The following MECOM variants were observed in gnomAD, a reference collection of about 807,000 sequenced individuals.
The protein encoded by MECOM is MDS1 and EVI1 complex locus, also known as histone-lysine N-methyltransferase MECOM.
Under a neutral mutation model 116.3 loss-of-function variants are expected in MECOM, and 13 were observed. That is an observed-to-expected ratio of 0.11 (90% CI 0.07 to 0.18). The LOEUF is 0.18. MECOM is among the 10% of genes least tolerant of loss of function. The probability of loss-of-function intolerance (pLI) is 1.00; values close to 1 mark genes in which losing one functional copy is unlikely to be tolerated. For synonymous variants in MECOM, 528 were observed against 535.2 expected, an observed-to-expected ratio of 0.99 and a Z score of 0.19; for missense variants, 1,299 against 1,509.0, an observed-to-expected ratio of 0.86 and a Z score of 2.31.
intron 1 of MECOM, among the ~76,000 whole-genome samples, chr3:169,539,426 A>G (rs1484092569): frequency 3.3e-5 from 5 of 152,280 alleles, no homozygotes; most frequent in African/African-American, 1.2e-4. Flanking sequence ...GTCTCTTCTG[A>G]GCTCCAGGAC....
At chr3:169,603,353 G>A (rs2109760972) in intron 1 of MECOM, among the ~76,000 whole-genome samples, 1 of 152,266 alleles carries the variant, frequency 6.6e-6, no homozygotes. Context: ...TGTTTAAGCT[G>A]TTAGCACAGG....
At chr3:169,134,714 A>T (rs998488852) in intron 3 of MECOM, among the ~76,000 whole-genome samples, 2 of 152,204 alleles carry the variant, frequency 1.3e-5, no homozygotes, top group African/African-American at 4.8e-5. Flanking sequence ...TCCTCTTCTA[A>T]TTACAATGGC....
intron 12 of MECOM, among the ~76,000 whole-genome samples, chr3:169,099,728 C>T (rs1471058699): frequency 2.0e-5 from 3 of 152,036 alleles, no homozygotes; most frequent in Non-Finnish European, 4.4e-5. Context: ...AGGAGAATGA[C>T]ATTATGATAT....
intron 2 of MECOM, chr3:169,269,148 T>A (rs1167502394): frequency 2.0e-5 from 3 of 152,130 alleles, no homozygotes; most frequent in Non-Finnish European, 4.4e-5. Flanking sequence ...CGTGTTCTCA[T>A]GCTATTCCTA....
intron 4 of MECOM, among the ~76,000 whole-genome samples, chr3:169,130,921 A>G (rs773050733): frequency 7.2e-5 from 11 of 152,144 alleles, no homozygotes; most frequent in Non-Finnish European, 1.6e-4. Flanking sequence ...GGCCTCTGGC[A>G]AATAAAAAGT....
intron 1 of MECOM, among the ~76,000 whole-genome samples, chr3:169,554,145 G>T (rs1291012012): frequency 6.6e-6 from 1 of 152,186 alleles, no homozygotes; most frequent in African/African-American, 2.4e-5. Context: ...GGCCTTCCAT[G>T]CTGTTTCCCC....
intron 1 of MECOM, among the ~76,000 whole-genome samples, chr3:169,643,181 T>A (rs1274084235): frequency 1.3e-5 from 2 of 152,334 alleles, no homozygotes; most frequent in African/African-American, 4.8e-5. Flanking sequence ...AACCAGATTG[T>A]CATTTTTTTC....
chr3:169,603,174 T>C (rs1393863329), intron 1 of MECOM, among the ~76,000 whole-genome samples: 2 of 152,236 alleles, frequency 1.3e-5, no homozygotes, highest in African/African-American at 4.8e-5. Context: ...GAAAAATGTC[T>C]GTCACTTAAG....
chr3:169,264,248 T>C (rs531952645), intron 2 of MECOM, among the ~76,000 whole-genome samples: 1 of 152,342 alleles, frequency 6.6e-6, no homozygotes, highest in South Asian at 2.1e-4. Context: ...TGGTTTATTG[T>C]TGATGTTGTT....
intron 2 of MECOM, among the ~76,000 whole-genome samples, chr3:169,349,687 C>T (rs1380713238): frequency 2.6e-5 from 4 of 151,838 alleles, no homozygotes; most frequent in Non-Finnish European, 5.9e-5. Flanking sequence ...AAATTGTAAT[C>T]GGCAGCATTT....
At chr3:169,403,527 G>A (rs746394098) in intron 1 of MECOM, among the ~76,000 whole-genome samples, 1 of 152,066 alleles carries the variant, frequency 6.6e-6, no homozygotes, top group African/African-American at 2.4e-5. Context: ...CTGTCAAATT[G>A]CAATATACTT....
At chr3:169,648,384 C>T (rs926631251) in intron 1 of MECOM, among the ~76,000 whole-genome samples, 1 of 152,192 alleles carries the variant, frequency 6.6e-6, no homozygotes, top group Non-Finnish European at 1.5e-5. Flanking sequence ...ATTTCCCATC[C>T]TCTAATGATC....
At chr3:169,315,791 G>T (rs1008792545) in intron 2 of MECOM, among the ~76,000 whole-genome samples, 1 of 152,084 alleles carries the variant, frequency 6.6e-6, no homozygotes, top group Non-Finnish European at 1.5e-5. Context: ...TCTATTCCAT[G>T]AATGTTACCA....
chr3:169,482,841 T>C (rs1160183978), intron 1 of MECOM, among the ~76,000 whole-genome samples: 2 of 152,218 alleles, frequency 1.3e-5, no homozygotes, highest in East Asian at 3.8e-4. Flanking sequence ...ACATTTAAAA[T>C]TGATAGGCCT....
At chr3:169,167,333 G>T (rs1007502267) in intron 2 of MECOM, among the ~76,000 whole-genome samples, 9 of 152,098 alleles carry the variant, frequency 5.9e-5, no homozygotes, top group African/African-American at 2.2e-4. Flanking sequence ...CCTCCAGTTG[G>T]ACTGCAAGCC....
intron 1 of MECOM, among the ~76,000 whole-genome samples, chr3:169,433,661 G>GAAAGAAAGAAA (rs1560268636): frequency 2.2e-5 from 3 of 137,378 alleles, no homozygotes; most frequent in Non-Finnish European, 4.5e-5. Context: ...AAGAAAGAAA[G>GAAAGAAAGAAA]AAAGAAAGAA....
At chr3:169,133,398 T>C (rs1346208573) in intron 3 of MECOM, 1 of 152,312 alleles carries the variant, frequency 6.6e-6, no homozygotes, top group Non-Finnish European at 1.5e-5. Context: ...TATTTTTCTA[T>C]AACAAGACCG....
chr3:169,221,243 A>C (rs1049202533), intron 2 of MECOM, among the ~76,000 whole-genome samples: 4 of 152,242 alleles, frequency 2.6e-5, no homozygotes, highest in African/African-American at 9.6e-5. Context: ...GTTAACTAAT[A>C]GTATCATCAT....
intron 1 of MECOM, among the ~76,000 whole-genome samples, chr3:169,430,796 T>G (rs1334109073): frequency 6.6e-6 from 1 of 152,196 alleles, no homozygotes; most frequent in East Asian, 1.9e-4. Context: ...ACAAGACCCT[T>G]TACTGAAAGC....
Sources: gnomAD v4.1 joint callset for allele counts (sites outside exome capture counted in the v4.1 genomes callset) on GRCh38, gnomAD v4.1.1 for gene constraint, MANE v1.5 for transcripts, NCBI Gene and HGNC (gene_info 2026-07-23, HGNC 2026-07-21) for gene names.